The following UTP4 variants were observed in gnomAD, a reference collection of about 807,000 sequenced individuals.
The protein encoded by UTP4 is UTP4 small subunit processome component.
In UTP4, 45 loss-of-function variants were observed where a neutral mutation model predicts 82.4. The observed-to-expected ratio is 0.55, with a 90% CI of 0.43 to 0.70. The LOEUF is 0.70. Ranked by LOEUF, UTP4 falls within the 30% of genes least tolerant of loss-of-function variation. The pLI is 0.00. For missense variants in UTP4, 819 were observed against 858.3 expected (o/e 0.95, Z 0.57); for synonymous variants, 348 against 300.3 (o/e 1.16, Z -1.64).
intron 3 of UTP4, among the ~76,000 whole-genome samples, chr16:69,137,204 A>G (rs1232041574): frequency 6.6e-6 from 1 of 152,206 alleles, no homozygotes; most frequent in Non-Finnish European, 1.5e-5. Flanking sequence ...CATTTCACAA[A>G]TACAGCATAT....
chr16:69,154,362 A>G (rs1963353940), intron 9 of UTP4, 31 bp from the exon 10 acceptor site: 1 of 1,546,942 alleles, frequency 6.5e-7, no homozygotes, highest in East Asian at 2.2e-5. Flanking sequence ...TTCTTTCATA[A>G]GAAAAATCTC....
intron 6 of UTP4, among the ~76,000 whole-genome samples, chr16:69,148,116 C>T (rs1360017273): frequency 6.6e-6 from 1 of 151,976 alleles, no homozygotes; most frequent in Non-Finnish European, 1.5e-5. Context: ...CCACCACACC[C>T]GGCTAATTTT....
At chr16:69,143,566 G>C (rs909750127) in intron 6 of UTP4, among the ~76,000 whole-genome samples, 177 bp downstream of exon 6, 5 of 152,166 alleles carry the variant, frequency 3.3e-5, no homozygotes, top group Non-Finnish European at 7.3e-5. Context: ...CCTAACAATT[G>C]GTTAGAGAAT....
chr16:69,157,277 G>A (rs142362164), intron 12 of UTP4, 37 bp downstream of exon 12: 23 of 1,609,466 alleles, frequency 1.4e-5, no homozygotes, highest in African/African-American at 1.2e-4. Flanking sequence ...GAGACTTGTC[G>A]TGTCTAAGAT....
chr16:69,137,449 A>G (rs1285996022), intron 3 of UTP4, among the ~76,000 whole-genome samples: 3 of 152,172 alleles, frequency 2.0e-5, no homozygotes, highest in South Asian at 4.1e-4. Flanking sequence ...AGGTGTTTCC[A>G]TTTAGGTTAT....
intron 12 of UTP4, among the ~76,000 whole-genome samples, chr16:69,158,953 C>A (rs933154894): frequency 6.6e-6 from 1 of 152,184 alleles, no homozygotes; most frequent in African/African-American, 2.4e-5. Flanking sequence ...ACAAAGATGG[C>A]TCAGACGTGC....
intron 14 of UTP4, 49 bp downstream of exon 14, chr16:69,163,227 C>T: frequency 6.8e-7 from 1 of 1,469,750 alleles, no homozygotes; most frequent in Non-Finnish European, 9.5e-7. Flanking sequence ...GGATAGTAAC[C>T]TAGAAGCTGG....
At chr16:69,144,896 CT>C (rs938050007) in intron 6 of UTP4, among the ~76,000 whole-genome samples, 2 of 152,160 alleles carry the variant, frequency 1.3e-5, no homozygotes, top group South Asian at 4.1e-4. Flanking sequence ...AGTCCCAGCA[CT>C]TTGGGAGGCC....
chr16:69,138,381 G>A (rs1962867527), intron 4 of UTP4, among the ~76,000 whole-genome samples: 1 of 152,078 alleles, frequency 6.6e-6, no homozygotes, highest in South Asian at 2.1e-4. Context: ...GGGATTCCAG[G>A]CACGTGCCAT....
intron 16 of UTP4, chr16:69,167,407 A>G (rs1963728386): frequency 1.8e-6 from 1 of 542,426 alleles, no homozygotes; most frequent in Non-Finnish European, 3.3e-6. Flanking sequence ...ACCAAAATGA[A>G]ATGCGTAAGT....
At chr16:69,147,348 CA>C (rs1963146182) in intron 6 of UTP4, among the ~76,000 whole-genome samples, 2 of 149,980 alleles carry the variant, frequency 1.3e-5, no homozygotes, top group Admixed American at 6.7e-5. Flanking sequence ...TACTAAAATA[CA>C]AAAAAATTAG....
chr16:69,137,629 C>A (rs925459411), intron 3 of UTP4, among the ~76,000 whole-genome samples, 172 bp from the exon 4 acceptor site: 1 of 152,122 alleles, frequency 6.6e-6, no homozygotes, highest in Non-Finnish European at 1.5e-5. Context: ...CTATTAGTTT[C>A]TTGATAACTA....
chr16:69,160,881 C>G (rs1963547306), intron 13 of UTP4, among the ~76,000 whole-genome samples: 1 of 152,098 alleles, frequency 6.6e-6, no homozygotes, highest in African/African-American at 2.4e-5. Flanking sequence ...CAGGCATGAG[C>G]CACCGCGCCT....
At chr16:69,157,625 G>A (rs1177531541) in intron 12 of UTP4, among the ~76,000 whole-genome samples, 1 of 152,078 alleles carries the variant, frequency 6.6e-6, no homozygotes, top group East Asian at 1.9e-4. Flanking sequence ...TGGGCATGTT[G>A]CCTTTTTTGG....
Position 69,137,788 on chromosome 16 carries a change from C to G in UTP4, c.352-13C>G, listed in dbSNP as rs1962849989. ...TATTGATTTTTTCTGTTTACTACCT[C>G]TTTCTCAAATAGGTTGGTTGTGAAG... On this transcript the variant is annotated splice_polypyrimidine_tract_variant and intron_variant, in intron 3 of 16. Coordinates refer to ENST00000314423, the MANE Select transcript of UTP4 (RefSeq NM_032830.3). 2 of 1,548,604 alleles carry G rather than the reference C, an allele frequency of 1.3e-6. No individual in the cohort carries two copies. The highest frequency in any genetic ancestry group is 1.8e-6 in the Non-Finnish European group (2 of 1,120,436).
intron 2 of UTP4, 82 bp from the exon 3 acceptor site, chr16:69,136,614 T>C: frequency 7.2e-7 from 1 of 1,392,526 alleles, no homozygotes; most frequent in African/African-American, 1.4e-5. Flanking sequence ...GGGAAGTTGT[T>C]TTTACCATGT....
At chr16:69,135,850 A>G (rs1396821331) in intron 2 of UTP4, among the ~76,000 whole-genome samples, 1 of 151,938 alleles carries the variant, frequency 6.6e-6, no homozygotes, top group East Asian at 1.9e-4. Context: ...ACATGGAGAA[A>G]CCCCGTCTCT....
chr16:69,156,199 G>T (rs1188069807), intron 11 of UTP4, among the ~76,000 whole-genome samples: 12 of 139,530 alleles, frequency 8.6e-5, no homozygotes, highest in African/African-American at 3.1e-4. Context: ...TTGTCACCCA[G>T]GCTGTAGTGC....
At chr16:69,164,156 T>C (rs761630414) in intron 14 of UTP4, among the ~76,000 whole-genome samples, 21 of 152,118 alleles carry the variant, frequency 1.4e-4, no homozygotes, top group Middle Eastern at 3.4e-3. Flanking sequence ...AGTGCTGGGA[T>C]TACAGGCTTG....
Sources: allele counts gnomAD v4.1 joint callset (sites outside exome capture counted in the v4.1 genomes callset), GRCh38; gene constraint gnomAD v4.1.1; transcripts MANE v1.5; gene names NCBI Gene and HGNC (gene_info 2026-07-23, HGNC 2026-07-21).